The following ARHGAP32 variants were observed in gnomAD, a reference collection of about 807,000 sequenced individuals.
ARHGAP32 encodes the protein Rho GTPase activating protein 32.
A neutral mutation model predicts 186.5 loss-of-function variants in ARHGAP32; 51 were observed. The observed-to-expected ratio is 0.27, with a 90% CI of 0.22 to 0.35. ARHGAP32 has a LOEUF of 0.35. ARHGAP32 is among the 10% of genes least tolerant of loss of function. ARHGAP32 has a pLI of 1.00. For missense variants in ARHGAP32, 2,186 were observed against 2,623.5 expected, an observed-to-expected ratio of 0.83 and a Z score of 3.64; for synonymous variants, 950 against 964.3, an observed-to-expected ratio of 0.99 and a Z score of 0.27.
chr11:129,142,253 C>T (rs574204062), intron 2 of ARHGAP32, among the ~76,000 whole-genome samples: 2 of 152,198 alleles, frequency 1.3e-5, no homozygotes, highest in East Asian at 1.9e-4. Context: ...TTTGCCAAAC[C>T]GAGCCAAAAG....
chr11:129,154,089 CAAA>C (rs997647956), intron 2 of ARHGAP32, among the ~76,000 whole-genome samples: 61 of 151,920 alleles, frequency 4.0e-4, no homozygotes, highest in African/African-American at 1.4e-3. Flanking sequence ...AGGCAGTTCT[CAAA>C]AGAAGATAGA....
At chr11:129,195,336 T>C (rs1944378250), upstream of ARHGAP32, among the ~76,000 whole-genome samples, 1 of 152,148 alleles carries the variant, frequency 6.6e-6, no homozygotes, top group African/African-American at 2.4e-5. Flanking sequence ...TTTTGTTCTT[T>C]CATTATGATG....
chr11:129,032,520 A>G (rs1163102350), intron 11 of ARHGAP32, among the ~76,000 whole-genome samples: 2 of 152,244 alleles, frequency 1.3e-5, no homozygotes, highest in Non-Finnish European at 2.9e-5. Context: ...ATGAATTTAT[A>G]ATGGGATTTT....
intron 1 of ARHGAP32, among the ~76,000 whole-genome samples, chr11:129,271,654 T>C (rs1421984456): frequency 6.6e-6 from 1 of 152,024 alleles, no homozygotes; most frequent in African/African-American, 2.4e-5. Flanking sequence ...AAACCAAAAA[T>C]TGGATGAAAT....
chr11:129,180,655 C>T (rs1016317821), intron 1 of ARHGAP32, among the ~76,000 whole-genome samples: 2 of 151,986 alleles, frequency 1.3e-5, no homozygotes, highest in African/African-American at 4.8e-5. Flanking sequence ...AAATTATGGA[C>T]AAATTTTATG....
chr11:129,095,488 G>A (rs1210740794), intron 5 of ARHGAP32, among the ~76,000 whole-genome samples: 1 of 152,152 alleles, frequency 6.6e-6, no homozygotes, highest in Non-Finnish European at 1.5e-5. Context: ...AGTAAACCAA[G>A]GCTGCAGGAG....
intron 1 of ARHGAP32, among the ~76,000 whole-genome samples, chr11:129,233,901 G>A (rs1428771358): frequency 4.6e-5 from 7 of 150,832 alleles, no homozygotes; most frequent in East Asian, 1.9e-4. Context: ...TATTTTTTAC[G>A]GATAGACATA....
At chr11:129,096,693 A>G (rs1173506449) in intron 5 of ARHGAP32, among the ~76,000 whole-genome samples, 1 of 152,248 alleles carries the variant, frequency 6.6e-6, no homozygotes, top group Non-Finnish European at 1.5e-5. Context: ...GCAGAGGTGC[A>G]GACAAATAGC....
chr11:129,041,493 A>T (rs1224867307), intron 10 of ARHGAP32, among the ~76,000 whole-genome samples: 1 of 17,594 alleles, frequency 5.7e-5, no homozygotes, highest in South Asian at 9.8e-4. Context: ...CAGGTTTCAT[A>T]AAAAAAAAAA....
chr11:129,050,690 A>G (rs1025117410), intron 10 of ARHGAP32, among the ~76,000 whole-genome samples: 1 of 152,246 alleles, frequency 6.6e-6, no homozygotes, highest in African/African-American at 2.4e-5. Context: ...CATGTGCAGA[A>G]CAGGCAGGTT....
At chr11:128,976,732 G>C (rs929590194) in intron 19 of ARHGAP32, 98 bp from the exon 20 acceptor site, 1 of 973,828 alleles carries the variant, frequency 1.0e-6, no homozygotes. Context: ...ACTTTTGAGA[G>C]TGATTAGCTG....
intron 7 of ARHGAP32, 23 bp from the exon 8 acceptor site, chr11:129,064,956 A>G (rs1940637199): frequency 6.5e-7 from 1 of 1,541,504 alleles, no homozygotes; most frequent in Admixed American, 1.9e-5. Flanking sequence ...AGATCAGTGT[A>G]ACTCTGAGTA....
At chr11:129,181,253 T>C (rs1162077857) in intron 1 of ARHGAP32, among the ~76,000 whole-genome samples, 5 of 152,222 alleles carry the variant, frequency 3.3e-5, no homozygotes, top group Non-Finnish European at 5.9e-5. Flanking sequence ...GTCCATTTTA[T>C]GGTCAGACCA....
At chr11:129,121,997 A>T (rs1401759639) in intron 5 of ARHGAP32, among the ~76,000 whole-genome samples, 1 of 152,226 alleles carries the variant, frequency 6.6e-6, no homozygotes, top group East Asian at 1.9e-4. Flanking sequence ...ACTATTTAGC[A>T]CAACCTCATT....
At chr11:129,114,210 T>C (rs1942302487) in intron 5 of ARHGAP32, among the ~76,000 whole-genome samples, 1 of 152,114 alleles carries the variant, frequency 6.6e-6, no homozygotes, top group Non-Finnish European at 1.5e-5. Context: ...GTCTCACTTA[T>C]AAGAGGGAGC....
chr11:129,086,017 CAAAA>C (rs60940372), intron 6 of ARHGAP32, among the ~76,000 whole-genome samples: 3 of 127,926 alleles, frequency 2.3e-5, no homozygotes, highest in South Asian at 2.5e-4. Context: ...AACAAACAAA[CAAAA>C]AAAAAAAACA....
intron 6 of ARHGAP32, among the ~76,000 whole-genome samples, chr11:129,076,022 G>A (rs1247076310): frequency 6.6e-6 from 1 of 152,072 alleles, no homozygotes; most frequent in Non-Finnish European, 1.5e-5. Flanking sequence ...AAACCAAGAT[G>A]GTGATGAAAG....
intron 6 of ARHGAP32, among the ~76,000 whole-genome samples, chr11:129,070,266 T>C (rs1940828411): frequency 6.6e-6 from 1 of 152,028 alleles, no homozygotes; most frequent in Admixed American, 6.6e-5. Context: ...CTTAACAGAC[T>C]CCCTGGAAAC....
intron 21 of ARHGAP32, chr11:128,973,757 AAC>A (rs971856941): frequency 5.8e-6 from 3 of 518,006 alleles, no homozygotes; most frequent in Non-Finnish European, 1.0e-5. Flanking sequence ...TGTTATTATG[AAC>A]AGTTTTTACA....
Sources: allele counts gnomAD v4.1 joint callset (sites outside exome capture counted in the v4.1 genomes callset), GRCh38; gene constraint gnomAD v4.1.1; transcripts MANE v1.5; gene names NCBI Gene and HGNC (gene_info 2026-07-23, HGNC 2026-07-21).